Variants in REV3L observed in about 807,000 individuals in gnomAD.
The protein encoded by REV3L is DNA polymerase zeta catalytic subunit.
Under a neutral mutation model 299.4 loss-of-function variants are expected in REV3L, and 69 were observed. That is an observed-to-expected ratio of 0.23 (90% CI 0.19 to 0.28). The LOEUF (loss-of-function observed/expected upper bound fraction) is 0.28. Ranked by LOEUF, REV3L falls within the 10% of genes least tolerant of loss-of-function variation. The probability of loss-of-function intolerance (pLI) is 1.00; values close to 1 mark genes in which losing one functional copy is unlikely to be tolerated. For missense variants in REV3L, 3,128 were observed against 3,693.8 expected (o/e 0.85, Z 3.97); for synonymous variants, 1,238 against 1,271.4 (o/e 0.97, Z 0.56).
Position 111,322,786 on chromosome 6 carries a change from G to A in REV3L, c.8242-108C>T, listed in dbSNP as rs1774328287. On this transcript the variant is annotated intron_variant, in intron 25 of 31. Coordinates refer to ENST00000368802, the MANE Select transcript of REV3L (RefSeq NM_001372078.1). ...TACTAAATATTTCCAGAAATGAAAC[G>A]AGAAAAGAACGTAAAAAAGAAATCA... 16 of 794,458 alleles carry A rather than the reference G, an allele frequency of 2.0e-5. 1 individual carries two copies. In the South Asian group the frequency reaches 2.4e-4, roughly 12 times the overall value. The allele number at this position is 794,458 out of a possible 1,614,324, so 49.2% of individuals were successfully genotyped here. A position where few individuals can be genotyped will look rare whatever the true frequency, so the allele number is the denominator to read the frequency against.
intron 1 of REV3L, among the ~76,000 whole-genome samples, chr6:111,427,184 A>T (rs192179943): frequency 1.4e-4 from 21 of 152,308 alleles, no homozygotes; most frequent in East Asian, 5.8e-4. Context: ...AATAAATAAA[A>T]TATTATTGGT....
chr6:111,359,678 T>C (rs534453984), intron 16 of REV3L, among the ~76,000 whole-genome samples: 2 of 152,294 alleles, frequency 1.3e-5, no homozygotes, highest in Admixed American at 1.3e-4. Flanking sequence ...TTAACTGTAA[T>C]TCTTAGTTTT....
intron 21 of REV3L, among the ~76,000 whole-genome samples, chr6:111,341,188 A>AGGTGT (rs1469782798): frequency 3.3e-5 from 5 of 152,194 alleles, no homozygotes; most frequent in African/African-American, 1.2e-4. Flanking sequence ...CTGGGATTAC[A>AGGTGT]GGTGTGCACC....
chr6:111,325,694 A>G (rs1774709877), intron 25 of REV3L, among the ~76,000 whole-genome samples: 1 of 152,220 alleles, frequency 6.6e-6, no homozygotes, highest in South Asian at 2.1e-4. Context: ...GGTACATATG[A>G]TGTACACAGG....
chr6:111,336,070 AAAG>A (rs1437915502), intron 21 of REV3L, among the ~76,000 whole-genome samples: 1 of 151,894 alleles, frequency 6.6e-6, no homozygotes, highest in Admixed American at 6.6e-5. Context: ...GGCAAAAAAA[AAAG>A]AGTAATTTGG....
chr6:111,461,697 G>A (rs1790794297), intron 1 of REV3L, among the ~76,000 whole-genome samples: 1 of 151,978 alleles, frequency 6.6e-6, no homozygotes, highest in African/African-American at 2.4e-5. Flanking sequence ...ATAAAGCTAT[G>A]TATTATTATA....
chr6:111,377,589 G>T, intron 12 of REV3L, 112 bp downstream of exon 12: 4 of 1,036,598 alleles, frequency 3.9e-6, no homozygotes, highest in Non-Finnish European at 4.2e-6. Context: ...CTCTCACCTT[G>T]GACTCCCAGA....
In REV3L at chr6:111,389,218, C is replaced by A. The variant is rs1370055320; in HGVS notation, c.758-8G>T. 2 of 1,596,668 alleles carry A rather than the reference C, an allele frequency of 1.3e-6. No individual in the cohort carries two copies. Among genetic ancestry groups the A allele is most frequent in the Admixed American group, 3.4e-5 (2 of 59,612 alleles). On this transcript the variant is annotated splice_polypyrimidine_tract_variant and splice_region_variant and intron_variant, in intron 6 of 31. Coordinates refer to ENST00000368802, the MANE Select transcript of REV3L (RefSeq NM_001372078.1). ...GGTTTCCACCAATTTGAGCTGTAAT[C>A]ACAATAATACTTCAATACTACAGGG...
At chr6:111,417,247 G>T (rs988705745) in intron 1 of REV3L, among the ~76,000 whole-genome samples, 2 of 152,096 alleles carry the variant, frequency 1.3e-5, no homozygotes, top group African/African-American at 4.8e-5. Context: ...ATTTGAGTGA[G>T]AACCCACAAA....
At chr6:111,313,140 G>A in intron 28 of REV3L, 1 of 387,478 alleles carries the variant, frequency 2.6e-6, no homozygotes, top group Non-Finnish European at 4.5e-6. Flanking sequence ...TCCAGCCTGG[G>A]TGACAAAGTG....
chr6:111,338,390 A>G (rs1776150758), intron 21 of REV3L, among the ~76,000 whole-genome samples: 2 of 125,500 alleles, frequency 1.6e-5, no homozygotes, highest in African/African-American at 6.7e-5. Flanking sequence ...TTTGTAATTC[A>G]TGGTACAATT....
intron 1 of REV3L, among the ~76,000 whole-genome samples, chr6:111,434,206 G>C (rs1253328769): frequency 6.6e-6 from 1 of 152,182 alleles, no homozygotes; most frequent in Non-Finnish European, 1.5e-5. Context: ...TGAGGCAAGA[G>C]AGAGAAATAA....
At chr6:111,451,685 C>A (rs1338929095) in intron 1 of REV3L, among the ~76,000 whole-genome samples, 1 of 152,080 alleles carries the variant, frequency 6.6e-6, no homozygotes, top group East Asian at 1.9e-4. Context: ...TCAAAATAAT[C>A]TCCATTAATA....
chr6:111,461,946 TA>T (rs1395988786), intron 1 of REV3L, among the ~76,000 whole-genome samples: 1 of 151,998 alleles, frequency 6.6e-6, no homozygotes, highest in Admixed American at 6.6e-5. Flanking sequence ...CTAAACACAC[TA>T]AATAAAAGAG....
chr6:111,460,254 C>A (rs1790600882), intron 1 of REV3L: 1 of 151,996 alleles, frequency 6.6e-6, no homozygotes, highest in Non-Finnish European at 1.5e-5. Context: ...CAAACAGACA[C>A]TGGAGAATAC....
chr6:111,368,373 A>G (rs747982205), intron 13 of REV3L, among the ~76,000 whole-genome samples: 2 of 152,184 alleles, frequency 1.3e-5, no homozygotes, highest in Non-Finnish European at 2.9e-5. Context: ...TAAATTTTCC[A>G]TTATTACCAC....
intron 9 of REV3L, among the ~76,000 whole-genome samples, chr6:111,385,133 G>C (rs1781219196): frequency 6.6e-6 from 1 of 151,980 alleles, no homozygotes. Context: ...GGGTGGGGAA[G>C]TGGGGATGGT....
intron 31 of REV3L, among the ~76,000 whole-genome samples, chr6:111,306,087 G>T (rs557865371): frequency 6.6e-6 from 1 of 152,324 alleles, no homozygotes; most frequent in East Asian, 1.9e-4. Context: ...GACAGTCAAA[G>T]AACTGGGCCT....
At chr6:111,419,850 CTT>C (rs879649791) in intron 1 of REV3L, among the ~76,000 whole-genome samples, 1 of 145,738 alleles carries the variant, frequency 6.9e-6, no homozygotes. Context: ...TTTGGATTCT[CTT>C]TTTTTTTTTT....
Sources: allele counts gnomAD v4.1 joint callset (sites outside exome capture counted in the v4.1 genomes callset), GRCh38; gene constraint gnomAD v4.1.1; transcripts MANE v1.5; gene names NCBI Gene and HGNC (gene_info 2026-07-23, HGNC 2026-07-21).